TVP23A: variants seen among roughly 807,000 people sequenced by gnomAD.
TVP23A encodes trans-golgi network vesicle protein 23 homolog A, also known as Golgi apparatus membrane protein TVP23 homolog A.
In TVP23A, 21 loss-of-function variants were observed where a neutral mutation model predicts 31.7. That is an observed-to-expected ratio of 0.66 (90% CI 0.47 to 0.95). TVP23A has a LOEUF of 0.95. Among genes scored for constraint, TVP23A ranks in the 40% least tolerant of loss-of-function variants. The probability of loss-of-function intolerance (pLI) is 0.00; values close to 1 mark genes in which losing one functional copy is unlikely to be tolerated. For missense variants in TVP23A, 279 were observed against 255.6 expected (o/e 1.09, Z -0.62); for synonymous variants, 104 against 96.0 (o/e 1.08, Z -0.49).
chr16:10,778,675 AAGAT>A (rs1398091488), intron 2 of TVP23A, among the ~76,000 whole-genome samples: 7 of 151,918 alleles, frequency 4.6e-5, no homozygotes, highest in Admixed American at 2.6e-4. Flanking sequence ...AAAAAAAAAA[AAGAT>A]AGAGGGTCGG....
rs908857473 is a variant in TVP23A, at chr16:10,803,241, G to T, written c.89+14862C>A. 2.7e-5 allele frequency among the ~76,000 whole-genome samples: 4 copies of T among 146,106 alleles called. No individual in the cohort carries two copies. The South Asian group carries it at 9.1e-4, about 33-fold the overall frequency. Reference sequence around the variant, plus strand: ...GGAGGTTGCAGTGAGCCGAGATCGCGCCACTGTGTGTGTGTGTGTGTGTGT... The same window carrying T: ...GGAGGTTGCAGTGAGCCGAGATCGCTCCACTGTGTGTGTGTGTGTGTGTGT... On this transcript the variant is annotated intron_variant, in intron 2 of 7. Transcript: ENST00000299866.
At chr16:10,784,165 C>G (rs984771068) in intron 2 of TVP23A, among the ~76,000 whole-genome samples, 2 of 151,894 alleles carry the variant, frequency 1.3e-5, no homozygotes, top group African/African-American at 4.8e-5. Context: ...GAAACCCTGT[C>G]TCTACTAAAA....
At chr16:10,786,023 A>T (rs564180678) in intron 2 of TVP23A, among the ~76,000 whole-genome samples, 1 of 152,288 alleles carries the variant, frequency 6.6e-6, no homozygotes, top group African/African-American at 2.4e-5. Flanking sequence ...CTTCCAGGTC[A>T]TAGGTAGATT....
At position 10,818,398 on chromosome 16, in the gene TVP23A, C is replaced by T; in HGVS notation, c.9+87G>A. On this transcript the variant is annotated intron_variant, in intron 1 of 7. Transcript: ENST00000299866. The surrounding 1 kb of genome is among the most constrained non-coding windows in gnomAD (Gnocchi z 4.7). ...GCCCAGCCCCAGGCCCCGGCGCATC[C>T]CTCCTCCTCCTCCCGGCTTCTCCAG... is the stretch of plus-strand genomic sequence containing the variant. 1 of 1,512,226 alleles carries T rather than the reference C, an allele frequency of 6.6e-7. No individual in the cohort carries two copies. The highest frequency in any genetic ancestry group is 1.9e-5 in the Admixed American group (1 of 53,388). The allele number at this position is 1,512,226 out of a possible 1,614,324, so 93.7% of individuals were successfully genotyped here. A position where few individuals can be genotyped will look rare whatever the true frequency, so the allele number is the denominator to read the frequency against.
At chr16:10,761,941 C>G (rs1334181042), downstream of TVP23A, 1 of 1,060,650 alleles carries the variant, frequency 9.4e-7, no homozygotes, top group South Asian at 1.4e-5. Context: ...GGGGCGGCTA[C>G]AGAGAGGGGC....
chr16:10,807,916 T>C (rs921490944), intron 2 of TVP23A, among the ~76,000 whole-genome samples: 1 of 152,202 alleles, frequency 6.6e-6, no homozygotes, highest in Non-Finnish European at 1.5e-5. Flanking sequence ...TCTTGCTATG[T>C]TGTCCAGGCT....
chr16:10,817,013 C>T (rs778706133), intron 2 of TVP23A, among the ~76,000 whole-genome samples: 3 of 151,738 alleles, frequency 2.0e-5, no homozygotes, highest in Non-Finnish European at 4.4e-5. Context: ...TAACACTGGC[C>T]TTGAAGACGG....
In TVP23A at chr16:10,816,426, C is replaced by T. The variant is rs140911662; in HGVS notation, c.89+1677G>A. Among the ~76,000 whole-genome samples the T allele has an allele frequency of 7.2e-5, 11 of 151,982 alleles. No individual in the cohort carries two copies. The East Asian group carries it at 1.9e-3, about 27-fold the overall frequency. On this transcript the variant is annotated intron_variant, in intron 2 of 7. Coordinates refer to ENST00000299866, the MANE Select transcript of TVP23A (RefSeq NM_001079512.4). The stretch of plus-strand genomic sequence containing the variant: ...TCAGCCCACTGCAGCCTCTACCTCC[C>T]GGGTTCAAGTGATTCTCCTTCCCCA...
intron 2 of TVP23A, among the ~76,000 whole-genome samples, chr16:10,789,030 C>A (rs1319376103): frequency 6.6e-6 from 1 of 152,180 alleles, no homozygotes; most frequent in Non-Finnish European, 1.5e-5. Context: ...ACCCCACAAG[C>A]CTTTTTCCCA....
chr16:10,771,572 G>T, intron 6 of TVP23A, 98 bp downstream of exon 6: 1 of 1,448,496 alleles, frequency 6.9e-7, no homozygotes, highest in Non-Finnish European at 9.5e-7. Flanking sequence ...TGGCAGCCTG[G>T]CGGATATGTT....
In TVP23A at chr16:10,768,879, G is replaced by A. The variant is rs1319412006; in HGVS notation, c.*223C>T. The A allele has an allele frequency of 6.6e-6, 4 of 603,942 alleles. No individual in the cohort carries two copies. The East Asian group carries it at 1.1e-4, about 17-fold the overall frequency. The allele number at this position is 603,942 out of a possible 1,614,324, so 37.4% of individuals were successfully genotyped here. ...TTATGAGCAAGATGGGTAGTGTGAG[G>A]TATTCCGGTCACTTTCAAAGACTCA... is the stretch of plus-strand genomic sequence containing the variant. On this transcript the variant is annotated 3_prime_UTR_variant, in exon 8 of 8. Coordinates refer to ENST00000299866, the MANE Select transcript of TVP23A (RefSeq NM_001079512.4). The surrounding 1 kb of genome is among the most constrained non-coding windows in gnomAD (Gnocchi z 4.3).
rs926709903 is a variant in TVP23A, at chr16:10,818,559, G to A, written c.-66C>T. Reference sequence around the variant, plus strand: ...CCAGCTCCGCCCGTCGCCGCTGAAGGGGTCGGACGCCGGGCGGGCGGATGT... The same window carrying A: ...CCAGCTCCGCCCGTCGCCGCTGAAGAGGTCGGACGCCGGGCGGGCGGATGT... On this transcript the variant is annotated 5_prime_UTR_variant, in exon 1 of 8. Transcript: ENST00000299866. The surrounding 1 kb of genome is among the most constrained non-coding windows in gnomAD (Gnocchi z 4.7). The A allele has an allele frequency of 1.3e-6, 2 of 1,566,960 alleles. No individual in the cohort carries two copies. The highest frequency in any genetic ancestry group is 2.4e-5 in the East Asian group (1 of 42,476).
At chr16:10,766,672 A>C (rs941384142), downstream of TVP23A, 2 of 317,620 alleles carry the variant, frequency 6.3e-6, no homozygotes. The surrounding 1 kb of genome is among the most constrained non-coding windows in gnomAD (Gnocchi z 4.8). Flanking sequence ...CAAAACGCAC[A>C]AAGAAAGGAA....
intron 2 of TVP23A, among the ~76,000 whole-genome samples, chr16:10,793,516 C>G (rs535209195): frequency 6.9e-4 from 105 of 152,114 alleles, no homozygotes; most frequent in Non-Finnish European, 1.4e-3. Flanking sequence ...TAGCAACACT[C>G]CACTTCTCTG....
At chr16:10,764,096 C>G (rs1039148429), downstream of TVP23A, among the ~76,000 whole-genome samples, 1 of 152,100 alleles carries the variant, frequency 6.6e-6, no homozygotes, top group African/African-American at 2.4e-5. Context: ...AAGGGAGTAT[C>G]TCAGCCCACA....
chr16:10,785,000 G>C (rs1387486518), intron 2 of TVP23A, among the ~76,000 whole-genome samples: 1 of 152,052 alleles, frequency 6.6e-6, no homozygotes, highest in East Asian at 1.9e-4. Context: ...GGGAAACTGA[G>C]GCAGGAGAAT....
chr16:10,770,449 G>T, intron 6 of TVP23A, 118 bp from the exon 7 acceptor site: 6 of 1,125,538 alleles, frequency 5.3e-6, no homozygotes, highest in South Asian at 1.6e-5. Flanking sequence ...TTGGTTGCTT[G>T]ATGTCTTGGC....
intron 2 of TVP23A, among the ~76,000 whole-genome samples, chr16:10,810,850 G>T (rs1241070955): frequency 2.0e-5 from 3 of 152,180 alleles, no homozygotes; most frequent in African/African-American, 7.2e-5. Flanking sequence ...GCTAGGATGG[G>T]TTTTATGCCA....
At chr16:10,786,789 C>T (rs1337805396) in intron 2 of TVP23A, among the ~76,000 whole-genome samples, 1 of 151,670 alleles carries the variant, frequency 6.6e-6, no homozygotes, top group Non-Finnish European at 1.5e-5. Flanking sequence ...GTTCTCTATA[C>T]TTTTACGTAA....
Sources: allele counts gnomAD v4.1 joint callset (sites outside exome capture counted in the v4.1 genomes callset), GRCh38; gene constraint gnomAD v4.1.1; non-coding constraint Gnocchi (gnomAD v3.1); transcripts MANE v1.5; gene names NCBI Gene and HGNC (gene_info 2026-07-23, HGNC 2026-07-21).